The following FAM117A variants were observed in gnomAD, a reference collection of about 807,000 sequenced individuals.
FAM117A encodes the protein family with sequence similarity 117 member A.
A neutral mutation model predicts 44.1 loss-of-function variants in FAM117A; 21 were observed. The observed-to-expected ratio is 0.48, with a 90% CI of 0.34 to 0.69. The LOEUF is 0.69. Among genes scored for constraint, FAM117A ranks in the 30% least tolerant of loss-of-function variants. The pLI is 0.01. For synonymous variants in FAM117A, 220 were observed against 238.3 expected, an observed-to-expected ratio of 0.92 and a Z score of 0.71; for missense variants, 498 against 589.9, an observed-to-expected ratio of 0.84 and a Z score of 1.61.
At chr17:49,755,260 G>T (rs2073694416) in intron 1 of FAM117A, among the ~76,000 whole-genome samples, 1 of 152,030 alleles carries the variant, frequency 6.6e-6, no homozygotes, top group African/African-American at 2.4e-5. Context: ...TTGGGAGAGG[G>T]GCGCTTTCAG....
chr17:49,718,658 G>A (rs1235133593), intron 5 of FAM117A, among the ~76,000 whole-genome samples: 4 of 145,710 alleles, frequency 2.7e-5, no homozygotes, highest in East Asian at 4.1e-4. Context: ...GCGACAGAGC[G>A]AGATTCTGTC....
intron 1 of FAM117A, among the ~76,000 whole-genome samples, chr17:49,763,490 C>T (rs1037097901): frequency 3.3e-5 from 5 of 150,416 alleles, no homozygotes; most frequent in African/African-American, 1.2e-4. Context: ...TAGTCCAGCG[C>T]CCACCGACTC....
chr17:49,749,676 C>A (rs1020237092), intron 1 of FAM117A, among the ~76,000 whole-genome samples: 1 of 147,700 alleles, frequency 6.8e-6, no homozygotes, highest in Non-Finnish European at 1.5e-5. Context: ...AGTTCCTGGC[C>A]ATCCTGAATA....
chr17:49,738,103 C>G (rs1006952403), intron 1 of FAM117A, among the ~76,000 whole-genome samples: 3 of 152,162 alleles, frequency 2.0e-5, no homozygotes, highest in Admixed American at 6.5e-5. Context: ...GTAAAGGACT[C>G]TATTATCTCC....
At chr17:49,767,203 C>T (rs1044625790), upstream of FAM117A, among the ~76,000 whole-genome samples, 1 of 152,188 alleles carries the variant, frequency 6.6e-6, no homozygotes, top group African/African-American at 2.4e-5. Flanking sequence ...AGGACTACAT[C>T]TGAAGATTAA....
rs2073539866 is a variant in FAM117A at position 49,722,519 on chromosome 17, T to G, written c.442A>C (p.Ser148Arg). Residue 148 changes from serine to arginine, a missense_variant, in exon 3 of 8, where the codon AGC becomes CGC. By Grantham distance (110) the Ser-to-Arg change is moderately radical. Transcript: ENST00000240364. ...CAHKRSASWG[S>R]TDHRKEISKL... ...GCTACCTCTTTTCGGTGGTCTGTGC[T>G]GCCCCAGGATGCTGAGCGCTTGTGT... is the stretch of plus-strand genomic sequence containing the variant. The G allele has an allele frequency of 6.2e-7, 1 of 1,613,782 alleles. No homozygotes were observed. The highest frequency in any genetic ancestry group is 1.3e-5 in the African/African-American group (1 of 74,882).
In FAM117A at chr17:49,732,579, G is replaced by A; in HGVS notation, c.338C>T (p.Thr113Ile). The change falls in exon 2 of 8, where the codon ACC becomes ATC. Residue 113 changes from threonine to isoleucine, a missense_variant. Around this residue, in one of 3 missense-constraint regions of FAM117A, gnomAD observed 270 missense variants for 277.4 expected, o/e 0.97. Transcript: ENST00000240364. ...QWPRDADGAF[T>I]CCTNDKATQT... is the part of the protein sequence containing the mutation. ...GGTGGCCTTGTCATTGGTGCAGCAG[G>A]TGAAGGCCCCATCAGCATCTCGTGG... 3 of 1,614,156 alleles carry A rather than the reference G, an allele frequency of 1.9e-6. No homozygotes were observed. The highest frequency in any genetic ancestry group is 2.5e-6 in the Non-Finnish European group (3 of 1,180,032).
chr17:49,788,606 T>C, upstream of FAM117A: 1 of 485,120 alleles, frequency 2.1e-6, no homozygotes. Context: ...CAGCACCCTC[T>C]CTGGCCCGTA....
chr17:49,770,622 G>A (rs1313350830), intron 1 of FAM117A, among the ~76,000 whole-genome samples: 2 of 152,040 alleles, frequency 1.3e-5, no homozygotes, highest in Admixed American at 6.5e-5. Flanking sequence ...TAATAGAATC[G>A]GCCAGGCGTG....
At chr17:49,746,007 G>A (rs985532414) in intron 1 of FAM117A, among the ~76,000 whole-genome samples, 2 of 152,120 alleles carry the variant, frequency 1.3e-5, no homozygotes, top group African/African-American at 4.8e-5. Context: ...GTATAATGAT[G>A]GTATTATGAT....
intron 1 of FAM117A, among the ~76,000 whole-genome samples, chr17:49,758,348 G>C (rs1442247166): frequency 1.4e-5 from 2 of 137,936 alleles, no homozygotes; most frequent in Non-Finnish European, 3.1e-5. Flanking sequence ...TAAATAGGCC[G>C]GGTGCGGTGG....
At chr17:49,724,324 T>TA in intron 2 of FAM117A, 2 of 455,684 alleles carry the variant, frequency 4.4e-6, no homozygotes, top group South Asian at 3.1e-5. Context: ...GCAGAGGCTA[T>TA]AGAGGGATGA....
At chr17:49,785,557 A>T (rs994766344) in intron 1 of FAM117A, among the ~76,000 whole-genome samples, 3 of 152,144 alleles carry the variant, frequency 2.0e-5, no homozygotes, top group Non-Finnish European at 4.4e-5. Flanking sequence ...AGAGTAATGC[A>T]GGTAGGAAGC....
chr17:49,719,846 G>C lies in FAM117A; in HGVS notation c.622C>G (p.Pro208Ala). The C allele has an allele frequency of 6.2e-7, 1 of 1,608,398 alleles. No homozygotes were observed. The highest frequency in any genetic ancestry group is 8.5e-7 in the Non-Finnish European group (1 of 1,178,176). The change falls in exon 5 of 8, where the codon CCC (proline) becomes GCC (alanine). Residue 208 changes from proline (P) to alanine (A), a missense_variant. Physicochemically the swap from Pro to Ala is conservative, Grantham distance 27. This residue lies in a region of FAM117A where 270 missense variants were observed against 277.4 expected (regional missense o/e 0.97). Coordinates refer to ENST00000240364, the MANE Select transcript of FAM117A (RefSeq NM_030802.4). ...PSGSPVLRLS[P>A]CLHRSLEGLN... ...CCTTCCAGGCTCCTGTGCAGGCAGGGGCTGAGTCGCAAGACAGGGGACCCT... is the reference window on the plus strand; with the variant it reads ...CCTTCCAGGCTCCTGTGCAGGCAGGCGCTGAGTCGCAAGACAGGGGACCCT...
chr17:49,746,764 T>C (rs2073655901), intron 1 of FAM117A, among the ~76,000 whole-genome samples: 1 of 152,164 alleles, frequency 6.6e-6, no homozygotes, highest in Non-Finnish European at 1.5e-5. Context: ...TAAAAACAGC[T>C]AAACGGAGGG....
chr17:49,711,603 GAAAC>G (rs751571337), intron 7 of FAM117A, 48 bp from the exon 8 acceptor site: 6 of 1,563,730 alleles, frequency 3.8e-6, no homozygotes, highest in Non-Finnish European at 4.4e-6. Context: ...CACACAGAGA[GAAAC>G]AGACAGCGAG....
At position 49,717,510 on chromosome 17, in the gene FAM117A, T is replaced by C; in HGVS notation, c.910+3A>G. 6.2e-7 allele frequency: 1 copy of C among 1,613,750 alleles called. No individual in the cohort carries two copies. The highest frequency in any genetic ancestry group is 8.5e-7 in the Non-Finnish European group (1 of 1,179,902). ...CCCTGCTGCCTCAGCCTTCGCGGCTTACCTTTGTCGTTGGGGGTGGATGCC... is the reference window on the plus strand; with the variant it reads ...CCCTGCTGCCTCAGCCTTCGCGGCTCACCTTTGTCGTTGGGGGTGGATGCC... On this transcript the variant is annotated splice_donor_region_variant and intron_variant, in intron 6 of 7. Coordinates refer to ENST00000240364, the MANE Select transcript of FAM117A (RefSeq NM_030802.4).
chr17:49,714,488 C>G (rs939742340), intron 7 of FAM117A, among the ~76,000 whole-genome samples: 4 of 151,996 alleles, frequency 2.6e-5, no homozygotes, highest in Admixed American at 6.6e-5. Flanking sequence ...CAGGCATGCA[C>G]TAACACACCC....
At chr17:49,764,426 GT>G (rs1426373415), upstream of FAM117A, among the ~76,000 whole-genome samples, 2 of 152,132 alleles carry the variant, frequency 1.3e-5, no homozygotes, top group Non-Finnish European at 2.9e-5. Flanking sequence ...ATAGGGGAGC[GT>G]CACACCCAGT....
Sources: allele counts gnomAD v4.1 joint callset (sites outside exome capture counted in the v4.1 genomes callset), GRCh38; gene constraint gnomAD v4.1.1; regional missense constraint gnomAD v4.1.1; transcripts MANE v1.5; gene names NCBI Gene and HGNC (gene_info 2026-07-23, HGNC 2026-07-21).